The following RANBP17 variants were observed in gnomAD, a reference collection of about 807,000 sequenced individuals.
The protein encoded by RANBP17 is ran-binding protein 17.
Under a neutral mutation model 141.2 loss-of-function variants are expected in RANBP17, and 158 were observed. That is an observed-to-expected ratio of 1.12 (90% CI 0.98 to 1.28). The LOEUF is 1.28. RANBP17 is among the 50% of genes most tolerant of loss of function. The pLI is 0.00. For synonymous variants in RANBP17, 430 were observed against 450.0 expected, an observed-to-expected ratio of 0.96 and a Z score of 0.56; for missense variants, 1,438 against 1,290.7, an observed-to-expected ratio of 1.11 and a Z score of -1.75.
chr5:171,258,392 A>G (rs1022392749), intron 24 of RANBP17, among the ~76,000 whole-genome samples: 1 of 152,158 alleles, frequency 6.6e-6, no homozygotes, highest in African/African-American at 2.4e-5. Context: ...CCTAAAATTC[A>G]TGTGGAACCA....
intron 19 of RANBP17, among the ~76,000 whole-genome samples, chr5:171,200,514 A>G (rs977506061): frequency 6.6e-6 from 1 of 152,198 alleles, no homozygotes; most frequent in African/African-American, 2.4e-5. Context: ...TGAAATTATA[A>G]TGTATCAGGG....
At chr5:171,109,938 A>G (rs946978031) in intron 14 of RANBP17, among the ~76,000 whole-genome samples, 1 of 152,174 alleles carries the variant, frequency 6.6e-6, no homozygotes, top group Non-Finnish European at 1.5e-5. Flanking sequence ...TGTTACCTTA[A>G]AAGTTAAAAA....
chr5:170,881,123 G>A (rs1768641535), intron 2 of RANBP17, among the ~76,000 whole-genome samples: 1 of 152,064 alleles, frequency 6.6e-6, no homozygotes, highest in South Asian at 2.1e-4. Context: ...TTGAACAGCT[G>A]AAAAGCTGTT....
intron 16 of RANBP17, among the ~76,000 whole-genome samples, chr5:171,173,121 T>C (rs1760214082): frequency 6.6e-6 from 1 of 152,058 alleles, no homozygotes; most frequent in Non-Finnish European, 1.5e-5. Flanking sequence ...TAAATCATTA[T>C]GTCCCTTCTA....
chr5:170,870,134 A>AT (rs1343494183), intron 1 of RANBP17, among the ~76,000 whole-genome samples: 2 of 152,176 alleles, frequency 1.3e-5, no homozygotes, highest in African/African-American at 2.4e-5. Flanking sequence ...CAAATTTATT[A>AT]GATGAAGGAA....
chr5:171,002,293 G>A (rs1238440626), intron 14 of RANBP17, among the ~76,000 whole-genome samples: 1 of 150,938 alleles, frequency 6.6e-6, no homozygotes, highest in Non-Finnish European at 1.5e-5. Flanking sequence ...AGAGTAGGTG[G>A]GAGTGACTGA....
chr5:171,233,910 T>C (rs1764364740), intron 22 of RANBP17, among the ~76,000 whole-genome samples: 1 of 152,200 alleles, frequency 6.6e-6, no homozygotes, highest in African/African-American at 2.4e-5. Context: ...GATATGTCAA[T>C]ATAGGTCCAG....
chr5:171,008,419 C>T lies in RANBP17; in HGVS notation c.1710+40042C>T, dbSNP rs970670194. Among the ~76,000 whole-genome samples, 10 of 152,128 alleles carry T rather than the reference C, an allele frequency of 6.6e-5. No individual in the cohort carries two copies. The East Asian group carries it at 7.8e-4, about 12-fold the overall frequency. On this transcript the variant is annotated intron_variant, in intron 14 of 27. Coordinates refer to ENST00000523189, the MANE Select transcript of RANBP17 (RefSeq NM_022897.5). ...CCCGGGTCTTTGGCACCAAATGTCACGGACGTCCGTGTGAAGAGATCACCA... is the reference window on the plus strand; with the variant it reads ...CCCGGGTCTTTGGCACCAAATGTCATGGACGTCCGTGTGAAGAGATCACCA...
chr5:171,159,917 CAAAAAAAAAAA>C (rs1175963382), intron 14 of RANBP17, among the ~76,000 whole-genome samples: 70 of 41,516 alleles, frequency 1.7e-3, no homozygotes, highest in African/African-American at 4.3e-3. Flanking sequence ...GACTCCATCT[CAAAAAAAAAAA>C]AAAAAAAAAA....
In RANBP17 at chr5:171,293,948, G is replaced by A. The variant is rs374592064; in HGVS notation, c.3009G>A (p.Arg1003=). 6.2e-7 allele frequency: 1 copy of A among 1,613,750 alleles called. No homozygotes were observed. The highest frequency in any genetic ancestry group is 2.2e-5 in the East Asian group (1 of 44,886). ...GTCGGAACCAGTGGTCAGTATCCAG[G>A]CCTCTCCTGGGGCTCATCCTGCTCA... is the stretch of plus-strand genomic sequence containing the variant. ...EDCRNQWSVS[R]PLLGLILLNE... The change falls in exon 26 of 28, where the codon AGG becomes AGA. Residue 1003 remains arginine (R), a synonymous_variant. Coordinates refer to ENST00000523189, the MANE Select transcript of RANBP17 (RefSeq NM_022897.5).
intron 14 of RANBP17, among the ~76,000 whole-genome samples, chr5:171,063,263 GCT>G (rs1241864196): frequency 6.6e-6 from 1 of 152,154 alleles, no homozygotes; most frequent in Admixed American, 6.5e-5. Flanking sequence ...CAGTTTTTCT[GCT>G]CTGTTTTTTC....
At chr5:171,153,998 G>A (rs1275916652) in intron 14 of RANBP17, among the ~76,000 whole-genome samples, 1 of 151,540 alleles carries the variant, frequency 6.6e-6, no homozygotes, top group Non-Finnish European at 1.5e-5. Flanking sequence ...CTGCACTCCA[G>A]CCTGGGCAAC....
At chr5:170,887,952 A>C (rs1769295244) in intron 3 of RANBP17, among the ~76,000 whole-genome samples, 1 of 152,222 alleles carries the variant, frequency 6.6e-6, no homozygotes, top group South Asian at 2.1e-4. Context: ...CTCATCTCTT[A>C]AAGATCCTGC....
At chr5:170,914,279 T>C (rs1457750111) in intron 8 of RANBP17, 39 bp downstream of exon 8, 1 of 1,334,482 alleles carries the variant, frequency 7.5e-7, no homozygotes, top group Admixed American at 1.7e-5. Flanking sequence ...AAAAAATACC[T>C]GTGTAAATAA....
At chr5:171,079,606 G>A (rs1785139429) in intron 14 of RANBP17, among the ~76,000 whole-genome samples, 1 of 152,190 alleles carries the variant, frequency 6.6e-6, no homozygotes, top group African/African-American at 2.4e-5. Flanking sequence ...TTATCGGTCA[G>A]AAGACACCAA....
At position 170,862,038 on chromosome 5, in the gene RANBP17, C is replaced by A; in HGVS notation, c.5C>A (p.Ala2Glu). Residue 2 changes from alanine to glutamate, a missense_variant, in exon 1 of 28, where the codon GCG (alanine) becomes GAG (glutamate). By Grantham distance (107) the Ala-to-Glu change is moderately radical. Transcript: ENST00000523189. M[A>E]LHFQSLAELE... The stretch of plus-strand genomic sequence containing the variant: ...CCGGCGCCGCCTCCTGGGAAGATGG[C>A]GCTGCACTTCCAGGTCAGTGTGCTC... The A allele has an allele frequency of 6.8e-7, 1 of 1,462,914 alleles. No individual in the cohort carries two copies. 90.6% of individuals were successfully genotyped at this position (1,462,914 alleles called of 1,614,324 possible).
At chr5:171,210,970 A>G (rs893078091) in intron 20 of RANBP17, among the ~76,000 whole-genome samples, 2 of 140,034 alleles carry the variant, frequency 1.4e-5, no homozygotes, top group Admixed American at 7.8e-5. Flanking sequence ...GCGCCACTGC[A>G]CCCCAGCCTG....
intron 16 of RANBP17, among the ~76,000 whole-genome samples, chr5:171,173,684 G>A (rs1168444436): frequency 1.3e-5 from 2 of 152,220 alleles, no homozygotes; most frequent in South Asian, 2.1e-4. Flanking sequence ...TAAAGCAGTA[G>A]TCTCAGACTT....
chr5:170,906,501 G>A (rs1168922501), intron 5 of RANBP17, among the ~76,000 whole-genome samples: 1 of 151,932 alleles, frequency 6.6e-6, no homozygotes, highest in African/African-American at 2.4e-5. Flanking sequence ...TACTGATGAT[G>A]TTCACTTTGA....
Sources: gnomAD v4.1 joint callset for allele counts (sites outside exome capture counted in the v4.1 genomes callset) on GRCh38, gnomAD v4.1.1 for gene constraint, MANE v1.5 for transcripts, NCBI Gene and HGNC (gene_info 2026-07-23, HGNC 2026-07-21) for gene names.